The following RANBP2 variants were observed in gnomAD, a reference collection of about 807,000 sequenced individuals.
RANBP2 encodes the protein E3 SUMO-protein ligase RanBP2.
A neutral mutation model predicts 303.6 loss-of-function variants in RANBP2; 57 were observed. The observed-to-expected ratio is 0.19, with a 90% confidence interval of 0.15 to 0.23. The LOEUF is 0.23. RANBP2 is among the 10% of genes least tolerant of loss of function. RANBP2 has a pLI of 1.00. For synonymous variants in RANBP2, 1,167 were observed against 1,301.5 expected (o/e 0.90, Z 2.23); for missense variants, 3,138 against 3,780.8 (o/e 0.83, Z 4.46).
At chr2:108,761,792 C>T (rs868781308) in intron 18 of RANBP2, among the ~76,000 whole-genome samples, 1 of 152,140 alleles carries the variant, frequency 6.6e-6, no homozygotes, top group East Asian at 1.9e-4. Flanking sequence ...CCACATCATA[C>T]TGATCTTTCT....
the RANBP2 span, among the ~76,000 whole-genome samples, chr2:108,934,207 T>C: frequency 3.3e-5 from 5 of 152,174 alleles, no homozygotes; most frequent in African/African-American, 4.8e-5. Flanking sequence ...TGTGTTTCAT[T>C]ATTGTTACCA....
In RANBP2 at chr2:108,751,378, A is replaced by G. The variant is rs777882569; in HGVS notation, c.1388A>G (p.His463Arg). 1.1e-5 allele frequency: 18 copies of G among 1,611,888 alleles called. No individual in the cohort carries two copies. The African/African-American group carries it at 2.0e-4, about 18-fold the overall frequency. Residue 463 changes from histidine (H) to arginine (R), a missense_variant, in exon 10 of 29, where the codon CAT becomes CGT. By Grantham distance (29) the His-to-Arg change is conservative. Around this residue, in one of 20 missense-constraint regions of RANBP2, gnomAD observed 162 missense variants for 286.9 expected, o/e 0.56. Coordinates refer to ENST00000283195, the MANE Select transcript of RANBP2 (RefSeq NM_006267.5). ...IRKWLKQLFHHLPHETSRLET... is the reference protein window; with the variant it reads ...IRKWLKQLFHRLPHETSRLET... Reference sequence around the variant, plus strand: ...AAATGGCTAAAACAGCTTTTCCATCATTTGCCCCATGAAACCTCAAGGCTT... The same window carrying G: ...AAATGGCTAAAACAGCTTTTCCATCGTTTGCCCCATGAAACCTCAAGGCTT...
At chr2:109,357,662 A>G in the RANBP2 span, among the ~76,000 whole-genome samples, 1 of 152,050 alleles carries the variant, frequency 6.6e-6, no homozygotes, top group African/African-American at 2.4e-5. Flanking sequence ...GTTTTCTCTC[A>G]GTTTTATATT....
the RANBP2 span, among the ~76,000 whole-genome samples, chr2:109,516,522 C>T: frequency 6.6e-6 from 1 of 152,366 alleles, no homozygotes; most frequent in African/African-American, 2.4e-5. Flanking sequence ...AGAGCCCGCC[C>T]TTCCTCAGGC....
chr2:109,486,985 C>T, the RANBP2 span, among the ~76,000 whole-genome samples: 2 of 152,230 alleles, frequency 1.3e-5, no homozygotes, highest in East Asian at 1.9e-4. Context: ...CCAGAAGGGT[C>T]ATTGGAATGG....
the RANBP2 span, among the ~76,000 whole-genome samples, chr2:108,941,042 G>A: frequency 1.1e-3 from 160 of 152,138 alleles, no homozygotes; most frequent in African/African-American, 3.4e-3. Flanking sequence ...GGCTGTCACC[G>A]GTCATCACTA....
the RANBP2 span, among the ~76,000 whole-genome samples, chr2:109,699,319 G>C: frequency 5.3e-5 from 8 of 152,028 alleles, no homozygotes; most frequent in African/African-American, 1.7e-4. Flanking sequence ...TCATTCTACA[G>C]TTGACTCGTG....
downstream of RANBP2, among the ~76,000 whole-genome samples, chr2:108,787,111 C>T (rs1443378070): frequency 1.3e-5 from 2 of 152,230 alleles, no homozygotes; most frequent in East Asian, 3.9e-4. Flanking sequence ...GGGGGTGCCG[C>T]TTCACCTATG....
the RANBP2 span, among the ~76,000 whole-genome samples, chr2:109,441,542 C>T: frequency 5.9e-5 from 9 of 152,202 alleles, no homozygotes; most frequent in Non-Finnish European, 8.8e-5. Context: ...GAATGGAATC[C>T]GTGAGCAATG....
At chr2:108,911,147 C>T in the RANBP2 span, 13 of 1,589,388 alleles carry the variant, frequency 8.2e-6, no homozygotes, top group Admixed American at 2.2e-4. Context: ...ACTCCGGCCC[C>T]TGGAAGCAAT....
At chr2:109,288,085 A>G in the RANBP2 span, among the ~76,000 whole-genome samples, 1 of 152,240 alleles carries the variant, frequency 6.6e-6, no homozygotes, top group African/African-American at 2.4e-5. Context: ...ATATAGTCTC[A>G]TGCCCTGAAG....
chr2:109,450,661 A>AT, the RANBP2 span, among the ~76,000 whole-genome samples: 3,796 of 150,636 alleles, frequency 0.025, 72 homozygotes, highest in East Asian at 0.1. Context: ...ATATTTTAGT[A>AT]TTTTTTTTTT....
At chr2:109,316,851 T>C in the RANBP2 span, among the ~76,000 whole-genome samples, 1 of 152,220 alleles carries the variant, frequency 6.6e-6, no homozygotes, top group African/African-American at 2.4e-5. Flanking sequence ...CTTTGTACTG[T>C]CGCTGTAGTT....
At chr2:108,753,684 C>G (rs1338247399) in intron 14 of RANBP2, 121 bp downstream of exon 14, 3 of 1,582,724 alleles carry the variant, frequency 1.9e-6, no homozygotes, top group South Asian at 2.3e-5. Flanking sequence ...TCACTGCAAC[C>G]TCTGCTTCCC....
the RANBP2 span, among the ~76,000 whole-genome samples, chr2:109,634,320 T>C: frequency 6.6e-6 from 1 of 151,088 alleles, no homozygotes; most frequent in Non-Finnish European, 1.5e-5. Flanking sequence ...CATAATAAAA[T>C]GTTAGAATGC....
chr2:109,219,466 A>C, the RANBP2 span, among the ~76,000 whole-genome samples: 1 of 152,222 alleles, frequency 6.6e-6, no homozygotes. Context: ...AAATTAGGGA[A>C]GGAAAATAAA....
the RANBP2 span, among the ~76,000 whole-genome samples, chr2:109,032,179 T>C: frequency 5.9e-5 from 9 of 152,264 alleles, no homozygotes; most frequent in Admixed American, 5.9e-4. Flanking sequence ...GTTAAAAATG[T>C]CATAGATCTT....
the RANBP2 span, among the ~76,000 whole-genome samples, chr2:109,105,548 C>G: frequency 1.3e-5 from 2 of 152,092 alleles, no homozygotes; most frequent in East Asian, 1.9e-4. Context: ...CTCTAAAACT[C>G]TTTATTTTTT....
chr2:108,785,436 C>T lies in RANBP2; in HGVS notation c.*1535C>T, dbSNP rs571468158. ...ACTTTTCAGCTGAGACAGTTGATGC[C>T]TTCGTCATGATTTTAGAATAAATTC... On this transcript the variant is annotated 3_prime_UTR_variant, in exon 29 of 29. Coordinates refer to ENST00000283195, the MANE Select transcript of RANBP2 (RefSeq NM_006267.5). 2 of 152,248 alleles carry T rather than the reference C, an allele frequency of 1.3e-5. No homozygotes were observed. The highest frequency in any genetic ancestry group is 2.4e-5 in the African/African-American group (1 of 41,506). The allele number at this position is 152,248 out of a possible 1,614,324, so 9.4% of individuals were successfully genotyped here.
Sources: allele counts gnomAD v4.1 joint callset (sites outside exome capture counted in the v4.1 genomes callset), GRCh38; gene constraint gnomAD v4.1.1; regional missense constraint gnomAD v4.1.1; transcripts MANE v1.5; gene names NCBI Gene and HGNC (gene_info 2026-07-23, HGNC 2026-07-21).